TBC1D19: variants seen among roughly 807,000 people sequenced by gnomAD.
The protein encoded by TBC1D19 is TBC1 domain family member 19, also known as TBC1 domain family, member 19.
In TBC1D19, 60 loss-of-function variants were observed where a neutral mutation model predicts 89.0. The ratio of observed to expected loss-of-function variants is 0.67; its 90% CI spans 0.55 to 0.84. The LOEUF is 0.84. TBC1D19 is among the 40% of genes least tolerant of loss of function. The pLI, the probability that TBC1D19 is intolerant of heterozygous loss-of-function variation, is 0.00. For missense variants in TBC1D19, 500 were observed against 610.8 expected (o/e 0.82, Z 1.91); for synonymous variants, 189 against 199.7 (o/e 0.95, Z 0.45).
the TBC1D19 span, among the ~76,000 whole-genome samples, chr4:26,829,540 A>C: frequency 0.055 from 8,311 of 152,186 alleles, 319 homozygotes; most frequent in Admixed American, 0.098. Flanking sequence ...GGTGTTAGGG[A>C]GGAAAGGAAG....
chr4:26,769,834 C>T, the TBC1D19 span, among the ~76,000 whole-genome samples: 1 of 152,070 alleles, frequency 6.6e-6, no homozygotes, highest in East Asian at 1.9e-4. Context: ...AGGCATGAGA[C>T]ACCAAGTCCA....
intron 11 of TBC1D19, among the ~76,000 whole-genome samples, chr4:26,679,427 G>A (rs1713135306): frequency 6.6e-6 from 1 of 152,196 alleles, no homozygotes; most frequent in African/African-American, 2.4e-5. Flanking sequence ...AAGAATTGGG[G>A]TTTGGGAACC....
the TBC1D19 span, among the ~76,000 whole-genome samples, chr4:26,838,245 G>A: frequency 3.9e-5 from 6 of 152,130 alleles, no homozygotes; most frequent in African/African-American, 1.4e-4. Flanking sequence ...TTGGACGTAT[G>A]TATACGAAGC....
intron 17 of TBC1D19, chr4:26,740,609 T>A (rs1718304960): frequency 1.0e-6 from 1 of 972,500 alleles, no homozygotes; most frequent in East Asian, 1.1e-4. Context: ...CTCTTTTGGC[T>A]GTTCCTTTAT....
chr4:26,591,502 G>A (rs1739804055), intron 1 of TBC1D19, among the ~76,000 whole-genome samples: 1 of 152,030 alleles, frequency 6.6e-6, no homozygotes, highest in Admixed American at 6.6e-5. Context: ...TGAACTGAAG[G>A]AAACAGAGAC....
At chr4:26,806,817 C>T in the TBC1D19 span, among the ~76,000 whole-genome samples, 6 of 152,260 alleles carry the variant, frequency 3.9e-5, no homozygotes, top group East Asian at 1.9e-4. Flanking sequence ...ACTCGTCTGA[C>T]GGCAGAGGCA....
chr4:26,749,053 C>A (rs984122942), intron 19 of TBC1D19, among the ~76,000 whole-genome samples: 1 of 152,160 alleles, frequency 6.6e-6, no homozygotes, highest in Non-Finnish European at 1.5e-5. Flanking sequence ...GCTGAGTTTC[C>A]CCTTTTATTC....
chr4:26,811,237 C>G, the TBC1D19 span, among the ~76,000 whole-genome samples: 2 of 152,228 alleles, frequency 1.3e-5, no homozygotes, highest in East Asian at 1.9e-4. Flanking sequence ...CCATCATTCT[C>G]TGCAAACTAA....
At chr4:26,645,894 C>T (rs569216374) in intron 7 of TBC1D19, among the ~76,000 whole-genome samples, 8 of 151,926 alleles carry the variant, frequency 5.3e-5, no homozygotes, top group Admixed American at 1.3e-4. Context: ...GAGGCCGAGG[C>T]GGGCGGATCA....
chr4:26,646,930 A>T lies in TBC1D19; in HGVS notation c.480+6743A>T, dbSNP rs186392646. Among the ~76,000 whole-genome samples the T allele has an allele frequency of 3.2e-4, 48 of 152,318 alleles. 1 individual carries two copies. In the South Asian group the frequency reaches 6.0e-3, roughly 19 times the overall value. On this transcript the variant is annotated intron_variant, in intron 7 of 20. Coordinates refer to ENST00000264866, the MANE Select transcript of TBC1D19 (RefSeq NM_018317.4). ...TACCCTAGAACTTAAAGTATAATTT[A>T]AAAAAAGTAAAATAATGAAAAAGAA...
intron 1 of TBC1D19, among the ~76,000 whole-genome samples, chr4:26,602,777 GAA>G (rs890334488): frequency 2.2e-5 from 3 of 137,330 alleles, no homozygotes; most frequent in East Asian, 2.1e-4. Context: ...CACTGACAGT[GAA>G]AAAAAAAAAA....
chr4:26,597,110 T>C (rs1159193958), intron 1 of TBC1D19, among the ~76,000 whole-genome samples: 1 of 152,260 alleles, frequency 6.6e-6, no homozygotes, highest in Non-Finnish European at 1.5e-5. Flanking sequence ...TCAGCTCTTC[T>C]ATAATCTTAT....
chr4:26,652,384 A>G (rs1346618265), intron 7 of TBC1D19, among the ~76,000 whole-genome samples: 1 of 152,066 alleles, frequency 6.6e-6, no homozygotes, highest in African/African-American at 2.4e-5. Flanking sequence ...TATTGCCTCA[A>G]TTTCAGAGCC....
chr4:26,627,582 C>G (rs1051543133), intron 4 of TBC1D19, among the ~76,000 whole-genome samples: 33 of 152,120 alleles, frequency 2.2e-4, no homozygotes, highest in Non-Finnish European at 4.7e-4. Context: ...GATTGCCATT[C>G]TAACTGGTGT....
At chr4:26,825,778 T>C in the TBC1D19 span, among the ~76,000 whole-genome samples, 1 of 152,244 alleles carries the variant, frequency 6.6e-6, no homozygotes, top group African/African-American at 2.4e-5. Context: ...TTCTCAACTG[T>C]AAAACAGGGT....
chr4:26,605,123 G>T (rs1018064174), intron 1 of TBC1D19, among the ~76,000 whole-genome samples: 11 of 151,186 alleles, frequency 7.3e-5, no homozygotes, highest in South Asian at 2.1e-4. Flanking sequence ...TACATATGTA[G>T]ATATGTGCCA....
chr4:26,813,359 C>G, the TBC1D19 span, among the ~76,000 whole-genome samples: 107 of 152,284 alleles, frequency 7.0e-4, no homozygotes, highest in African/African-American at 2.4e-3. Context: ...TTCCAAAATC[C>G]TAAAAATTCT....
chr4:26,576,695 C>T (rs900504697), exon 1 of TBC1D19: 18 of 455,546 alleles, frequency 4.0e-5, no homozygotes, highest in Non-Finnish European at 6.2e-5. Context: ...AGAGAATTCA[C>T]GGACAGAAGA....
intron 10 of TBC1D19, among the ~76,000 whole-genome samples, chr4:26,672,788 C>T (rs1170676100): frequency 6.6e-6 from 1 of 151,882 alleles, no homozygotes; most frequent in Non-Finnish European, 1.5e-5. Context: ...TGTACCAAAT[C>T]CCTACTTCAA....
Sources: allele counts gnomAD v4.1 joint callset (sites outside exome capture counted in the v4.1 genomes callset), GRCh38; gene constraint gnomAD v4.1.1; transcripts MANE v1.5; gene names NCBI Gene and HGNC (gene_info 2026-07-23, HGNC 2026-07-21).